The following CDH13 variants were observed in gnomAD, a reference collection of about 807,000 sequenced individuals.
CDH13 encodes cadherin 13, also known as cadherin-13.
Under a neutral mutation model 63.8 loss-of-function variants are expected in CDH13, and 24 were observed. The ratio of observed to expected loss-of-function variants is 0.38; its 90% CI spans 0.27 to 0.53. The LOEUF (loss-of-function observed/expected upper bound fraction) is 0.53. CDH13 is among the 20% of genes least tolerant of loss of function. CDH13 has a pLI of 0.85. For missense variants in CDH13, 1,049 were observed against 903.1 expected, an observed-to-expected ratio of 1.16 and a Z score of -2.07; for synonymous variants, 503 against 355.3, an observed-to-expected ratio of 1.42 and a Z score of -4.67.
At chr16:83,089,937 C>G (rs2033812100) in intron 3 of CDH13, among the ~76,000 whole-genome samples, 1 of 152,132 alleles carries the variant, frequency 6.6e-6, no homozygotes, top group Non-Finnish European at 1.5e-5. Flanking sequence ...GCTCTGAGGA[C>G]CATACTTTGC....
intron 10 of CDH13, among the ~76,000 whole-genome samples, chr16:83,731,193 C>T (rs1911005769): frequency 6.6e-6 from 1 of 152,216 alleles, no homozygotes; most frequent in Non-Finnish European, 1.5e-5. Flanking sequence ...AGTAGGATTG[C>T]TGAGTCAAAT....
chr16:83,431,439 T>C (rs2072105439), intron 6 of CDH13, among the ~76,000 whole-genome samples: 1 of 151,930 alleles, frequency 6.6e-6, no homozygotes, highest in Non-Finnish European at 1.5e-5. Context: ...GCAGAAGTCA[T>C]TGTGCAAATC....
At chr16:83,191,556 TACACACACAC>T (rs1418988074) in intron 4 of CDH13, among the ~76,000 whole-genome samples, 2 of 126,862 alleles carry the variant, frequency 1.6e-5, no homozygotes, top group East Asian at 2.3e-4. Context: ...TATATATATA[TACACACACAC>T]ATATATATGA....
At chr16:83,696,348 G>A (rs935436188) in intron 10 of CDH13, among the ~76,000 whole-genome samples, 5 of 152,102 alleles carry the variant, frequency 3.3e-5, no homozygotes, top group African/African-American at 9.7e-5. Context: ...CATGTGCAGC[G>A]GGCCCATTTC....
At chr16:82,872,924 C>T (rs896992998) in intron 2 of CDH13, among the ~76,000 whole-genome samples, 10 of 152,148 alleles carry the variant, frequency 6.6e-5, no homozygotes, top group African/African-American at 2.4e-4. Flanking sequence ...TGCTGTGGAG[C>T]TTTGATGATA....
intron 10 of CDH13, among the ~76,000 whole-genome samples, chr16:83,713,970 C>G (rs918003490): frequency 6.6e-6 from 1 of 152,192 alleles, no homozygotes; most frequent in Non-Finnish European, 1.5e-5. Context: ...AGAGAAATGC[C>G]TGTCCAGTAT....
chr16:83,497,134 C>T (rs1276701493), intron 7 of CDH13, among the ~76,000 whole-genome samples: 1 of 152,106 alleles, frequency 6.6e-6, no homozygotes, highest in Non-Finnish European at 1.5e-5. Flanking sequence ...CTGGAAGTAC[C>T]ATTTGACCCA....
intron 2 of CDH13, among the ~76,000 whole-genome samples, chr16:82,889,339 TACCA>T (rs1003448157): frequency 6.6e-6 from 1 of 152,128 alleles, no homozygotes; most frequent in Middle Eastern, 3.4e-3. Flanking sequence ...CCTACCTATC[TACCA>T]ACCAACCAAC....
chr16:82,706,026 T>G (rs1444379364), intron 1 of CDH13, among the ~76,000 whole-genome samples: 2 of 152,122 alleles, frequency 1.3e-5, no homozygotes, highest in African/African-American at 4.8e-5. Context: ...CACCCTGTTT[T>G]TATTCTGTCT....
chr16:83,725,576 G>A (rs766568046), intron 10 of CDH13: 1 of 152,264 alleles, frequency 6.6e-6, no homozygotes, highest in Non-Finnish European at 1.5e-5. Context: ...CACGGAAGTC[G>A]ACCTAGAATA....
At chr16:83,599,880 G>A (rs764193512) in intron 7 of CDH13, among the ~76,000 whole-genome samples, 3 of 152,152 alleles carry the variant, frequency 2.0e-5, no homozygotes, top group Non-Finnish European at 4.4e-5. Context: ...GCTGTCCAGG[G>A]TAGTGGTTCA....
chr16:83,561,368 G>C (rs570118600), intron 7 of CDH13, among the ~76,000 whole-genome samples: 1 of 150,302 alleles, frequency 6.7e-6, no homozygotes, highest in South Asian at 2.1e-4. Flanking sequence ...GGAGGTTGTG[G>C]TGAGCTGAGA....
At chr16:82,995,495 T>C (rs550356333) in intron 2 of CDH13, among the ~76,000 whole-genome samples, 3 of 152,222 alleles carry the variant, frequency 2.0e-5, no homozygotes. Context: ...CTGAAAAGGG[T>C]AACATGGAAG....
At position 83,337,838 on chromosome 16, in the gene CDH13, A is replaced by G. The variant is rs563905186; in HGVS notation, c.637-7024A>G. ...AGAAACTCATTAAGCTCCTCAATTCATGGATGATTTTGCCACAAATGAGGC... is the reference window on the plus strand; with the variant it reads ...AGAAACTCATTAAGCTCCTCAATTCGTGGATGATTTTGCCACAAATGAGGC... On this transcript the variant is annotated intron_variant, in intron 5 of 13. Transcript: ENST00000567109. Among the ~76,000 whole-genome samples the G allele has an allele frequency of 4.6e-5, 7 of 152,118 alleles. No individual in the cohort carries two copies. The South Asian group carries it at 1.0e-3, about 23-fold the overall frequency.
At chr16:82,701,710 T>C (rs1160221295) in intron 1 of CDH13, among the ~76,000 whole-genome samples, 3 of 152,178 alleles carry the variant, frequency 2.0e-5, no homozygotes, top group Non-Finnish European at 4.4e-5. Context: ...GCATTTCCAG[T>C]GGAGAGAAGT....
chr16:82,706,809 A>AC, intron 1 of CDH13, among the ~76,000 whole-genome samples: 1 of 152,252 alleles, frequency 6.6e-6, no homozygotes, highest in East Asian at 1.9e-4. Context: ...GTCTCAAAAA[A>AC]AAAATAAAAT....
In CDH13 at chr16:83,795,628, C is replaced by A. The variant is rs1390092184; in HGVS notation, c.*598C>A. 6.6e-6 allele frequency: 1 copy of A among 152,236 alleles called. No homozygotes were observed. The highest frequency in any genetic ancestry group is 1.5e-5 in the Non-Finnish European group (1 of 68,116). 9.4% of individuals were successfully genotyped at this position (152,236 alleles called of 1,614,324 possible). ...TCAGTCTGAATGCTGCCACAACCAGCCAGGCAGGTCCACAGAGAGGGAGAG... is the reference window on the plus strand; with the variant it reads ...TCAGTCTGAATGCTGCCACAACCAGACAGGCAGGTCCACAGAGAGGGAGAG... On this transcript the variant is annotated 3_prime_UTR_variant, in exon 14 of 14. Coordinates refer to ENST00000567109, the MANE Select transcript of CDH13 (RefSeq NM_001257.5).
At chr16:82,912,799 T>C (rs1795449411) in intron 2 of CDH13, among the ~76,000 whole-genome samples, 1 of 151,914 alleles carries the variant, frequency 6.6e-6, no homozygotes, top group Non-Finnish European at 1.5e-5. Context: ...AAATATTAGC[T>C]GGGCGTGGTG....
chr16:83,669,829 CTTT>C (rs1914343884), intron 8 of CDH13, among the ~76,000 whole-genome samples: 1 of 152,178 alleles, frequency 6.6e-6, no homozygotes. Context: ...GATATTTCTT[CTTT>C]TTGTCAGCTT....
Sources: allele counts gnomAD v4.1 joint callset (sites outside exome capture counted in the v4.1 genomes callset), GRCh38; gene constraint gnomAD v4.1.1; transcripts MANE v1.5; gene names NCBI Gene and HGNC (gene_info 2026-07-23, HGNC 2026-07-21).